Variants in KCNIP4 observed in about 807,000 individuals in gnomAD.
KCNIP4 encodes the protein Kv channel-interacting protein 4.
A neutral mutation model predicts 34.0 loss-of-function variants in KCNIP4; 12 were observed. That is an observed-to-expected ratio of 0.35 (90% CI 0.23 to 0.57). The LOEUF (loss-of-function observed/expected upper bound fraction) is 0.57, where lower values mean the gene tolerates loss of function less well. Ranked by LOEUF, KCNIP4 falls within the 20% of genes least tolerant of loss-of-function variation. The pLI is 0.83. For synonymous variants in KCNIP4, 124 were observed against 102.2 expected, an observed-to-expected ratio of 1.21 and a Z score of -1.29; for missense variants, 238 against 311.7, an observed-to-expected ratio of 0.76 and a Z score of 1.78.
intron 5 of KCNIP4, among the ~76,000 whole-genome samples, chr4:20,746,854 C>A (rs944848687): frequency 2.0e-5 from 3 of 152,070 alleles, no homozygotes; most frequent in Non-Finnish European, 4.4e-5. Context: ...TACCCTTTAT[C>A]GTAGAATCAG....
chr4:20,960,625 G>T (rs1733757904), intron 1 of KCNIP4, among the ~76,000 whole-genome samples: 1 of 152,216 alleles, frequency 6.6e-6, no homozygotes, highest in Non-Finnish European at 1.5e-5. Flanking sequence ...GTCCTGAGAA[G>T]GACCCCATTT....
intron 1 of KCNIP4, among the ~76,000 whole-genome samples, chr4:21,895,496 A>G (rs911436758): frequency 1.3e-5 from 2 of 152,208 alleles, no homozygotes; most frequent in Non-Finnish European, 2.9e-5. Flanking sequence ...TAACCACAGC[A>G]ACCTCTCTAT....
chr4:21,192,259 G>A (rs1414493263), intron 1 of KCNIP4, among the ~76,000 whole-genome samples: 1 of 152,132 alleles, frequency 6.6e-6, no homozygotes, highest in African/African-American at 2.4e-5. Context: ...CACATTATCA[G>A]TTGAGTCTCA....
At chr4:21,090,736 T>C (rs1311667253) in intron 1 of KCNIP4, among the ~76,000 whole-genome samples, 1 of 152,234 alleles carries the variant, frequency 6.6e-6, no homozygotes, top group Non-Finnish European at 1.5e-5. Flanking sequence ...CTCAATATCA[T>C]TTGTTATGTC....
chr4:20,768,541 T>C (rs1213095849), intron 3 of KCNIP4, among the ~76,000 whole-genome samples: 1 of 152,214 alleles, frequency 6.6e-6, no homozygotes, highest in Admixed American at 6.5e-5. Context: ...GAGCTGGCTA[T>C]AAATTTCTGT....
intron 1 of KCNIP4, among the ~76,000 whole-genome samples, chr4:21,241,337 G>A (rs918280624): frequency 2.0e-5 from 3 of 151,990 alleles, no homozygotes; most frequent in Non-Finnish European, 4.4e-5. Flanking sequence ...AGTTTATATG[G>A]GTTTTCTTTG....
At chr4:21,740,689 T>C (rs1277662511) in intron 1 of KCNIP4, among the ~76,000 whole-genome samples, 2 of 152,152 alleles carry the variant, frequency 1.3e-5, no homozygotes, top group East Asian at 3.8e-4. Context: ...AAAAGGAAAG[T>C]GGCAATAATT....
chr4:20,963,446 T>TA lies in KCNIP4; in HGVS notation c.62-80738dup, dbSNP rs199593378. Reference sequence around the variant, plus strand: ...TCCTATTATATGAACACTTTTTTTTTAAAACTCAGGGAGTCATGTAACTCT... The same window carrying TA: ...TCCTATTATATGAACACTTTTTTTTTAAAAACTCAGGGAGTCATGTAACTCT... On this transcript the variant is annotated intron_variant, in intron 1 of 8. Transcript: ENST00000382152. Among the ~76,000 whole-genome samples, 183 of 152,126 alleles carry TA rather than the reference T, an allele frequency of 1.2e-3. 1 individual carries two copies. The highest frequency in any genetic ancestry group is 3.9e-3 in the African/African-American group (163 of 41,514).
At chr4:21,101,503 A>C (rs1350218181) in intron 1 of KCNIP4, among the ~76,000 whole-genome samples, 1 of 152,176 alleles carries the variant, frequency 6.6e-6, no homozygotes, top group African/African-American at 2.4e-5. Flanking sequence ...TAAACATAAG[A>C]GTGCAAGTAT....
chr4:21,889,207 T>C (rs532022841), intron 1 of KCNIP4, among the ~76,000 whole-genome samples: 3 of 152,248 alleles, frequency 2.0e-5, no homozygotes, highest in Non-Finnish European at 1.5e-5. Context: ...CATGGGTCAA[T>C]GCATGCAAAC....
intron 2 of KCNIP4, among the ~76,000 whole-genome samples, chr4:20,862,827 A>G (rs1288041259): frequency 1.3e-5 from 2 of 152,174 alleles, no homozygotes. Context: ...AGAAACATGG[A>G]TGGAGCTGGA....
At chr4:21,509,825 G>C (rs1039817096) in intron 1 of KCNIP4, among the ~76,000 whole-genome samples, 13 of 151,872 alleles carry the variant, frequency 8.6e-5, no homozygotes, top group African/African-American at 3.1e-4. Context: ...CTTTAAGAAC[G>C]GCAACAATCT....
intron 1 of KCNIP4, among the ~76,000 whole-genome samples, chr4:20,967,849 C>A (rs1425334947): frequency 3.3e-5 from 5 of 152,136 alleles, no homozygotes; most frequent in African/African-American, 1.2e-4. Flanking sequence ...CTAGGCAATA[C>A]CATTCAGGAC....
At chr4:20,992,077 G>A (rs568741113) in intron 1 of KCNIP4, among the ~76,000 whole-genome samples, 2 of 152,208 alleles carry the variant, frequency 1.3e-5, no homozygotes, top group Non-Finnish European at 2.9e-5. Flanking sequence ...AGCATATTTT[G>A]TTGTATAGGA....
intron 1 of KCNIP4, among the ~76,000 whole-genome samples, chr4:21,230,341 T>C (rs1758701459): frequency 6.6e-6 from 1 of 151,722 alleles, no homozygotes; most frequent in Non-Finnish European, 1.5e-5. Flanking sequence ...GGATAATTAT[T>C]ATTTTTAAAT....
At chr4:21,919,102 G>C (rs2108993056) in intron 1 of KCNIP4, among the ~76,000 whole-genome samples, 1 of 152,294 alleles carries the variant, frequency 6.6e-6, no homozygotes, top group African/African-American at 2.4e-5. Context: ...ACTGACTACA[G>C]AATTTAATCC....
chr4:21,070,663 A>ATTTTT lies in KCNIP4; in HGVS notation c.62-187959_62-187955dup, dbSNP rs1203011253. 1.2e-4 allele frequency among the ~76,000 whole-genome samples: 6 copies of ATTTTT among 49,616 alleles called. 1 individual carries two copies. The highest frequency in any genetic ancestry group is 5.8e-4 in the East Asian group (1 of 1,728). The allele number at this position is 49,616 out of a possible 152,430, so 32.6% of individuals were successfully genotyped here. Reference sequence around the variant, plus strand: ...TCTGTTTTTACTGTTGAGTTTTGAGATTTTTTTTTTTTTTTTTTTTTTTTT... The same window carrying ATTTTT: ...TCTGTTTTTACTGTTGAGTTTTGAGATTTTTTTTTTTTTTTTTTTTTTTTTTTTTT... On this transcript the variant is annotated intron_variant, in intron 1 of 8. Transcript: ENST00000382152.
At position 21,504,465 on chromosome 4, in the gene KCNIP4, C is replaced by CAAAAAAAAAAAAAAAAAAA. The variant is rs376644707; in HGVS notation, c.61+444105_61+444106insTTTTTTTTTTTTTTTTTTT. On this transcript the variant is annotated intron_variant, in intron 1 of 8. Transcript: ENST00000382152. ...CCTGGGCAATAGAATGACTCCAACTCAAAAAAAAAAAAAGAAAGAAAGAAA... is the reference window on the plus strand; with the variant it reads ...CCTGGGCAATAGAATGACTCCAACTCAAAAAAAAAAAAAAAAAAAAAAAAAAAAAAAAGAAAGAAAGAAA... Among the ~76,000 whole-genome samples, 33 of 56,286 alleles carry CAAAAAAAAAAAAAAAAAAA rather than the reference C, an allele frequency of 5.9e-4. 3 individuals carry two copies. The highest frequency in any genetic ancestry group is 7.7e-4 in the Admixed American group (4 of 5,182). The allele number at this position is 56,286 out of a possible 152,430, so 36.9% of individuals were successfully genotyped here. A position where few individuals can be genotyped will look rare whatever the true frequency, so the allele number is the denominator to read the frequency against.
intron 3 of KCNIP4, chr4:20,767,381 C>T (rs1375580260): frequency 6.6e-6 from 1 of 152,094 alleles, no homozygotes; most frequent in East Asian, 1.9e-4. Flanking sequence ...CCAGGAGCCT[C>T]TTATTTATTA....
Sources: allele counts gnomAD v4.1 joint callset (sites outside exome capture counted in the v4.1 genomes callset), GRCh38; gene constraint gnomAD v4.1.1; transcripts MANE v1.5; gene names NCBI Gene and HGNC (gene_info 2026-07-23, HGNC 2026-07-21).